The following KDM4B variants were observed in gnomAD, a reference collection of about 807,000 sequenced individuals.
KDM4B encodes lysine demethylase 4B, also known as lysine-specific demethylase 4B.
KDM4B carries 32 observed loss-of-function variants against 125.2 expected under a neutral mutation model. The observed-to-expected ratio is 0.26, with a 90% confidence interval of 0.19 to 0.34. The LOEUF (loss-of-function observed/expected upper bound fraction) is 0.34, where lower values mean the gene tolerates loss of function less well. Ranked by LOEUF, KDM4B falls within the 10% of genes least tolerant of loss-of-function variation. KDM4B has a pLI of 1.00. For synonymous variants in KDM4B, 721 were observed against 677.9 expected (o/e 1.06, Z -0.99); for missense variants, 1,190 against 1,577.7 (o/e 0.75, Z 4.16).
intron 1 of KDM4B, among the ~76,000 whole-genome samples, chr19:4,976,470 C>T (rs1276575081): frequency 3.3e-5 from 5 of 152,180 alleles, no homozygotes; most frequent in Non-Finnish European, 7.3e-5. Context: ...GCTCACCAAG[C>T]GTCAGAAGCA....
chr19:5,020,041 G>A (rs1187503950), intron 2 of KDM4B, among the ~76,000 whole-genome samples: 1 of 149,872 alleles, frequency 6.7e-6, no homozygotes, highest in Admixed American at 6.6e-5. Flanking sequence ...GGACGTTGGT[G>A]TGCAGGTGTC....
intron 21 of KDM4B, among the ~76,000 whole-genome samples, chr19:5,146,759 C>CCG (rs1555722880): frequency 4.5e-5 from 3 of 66,820 alleles, no homozygotes; most frequent in African/African-American, 1.9e-4. Context: ...AGACCCCCCC[C>CCG]CCCCCCACAA....
At chr19:5,057,469 G>T (rs1200473441) in intron 6 of KDM4B, among the ~76,000 whole-genome samples, 2 of 152,222 alleles carry the variant, frequency 1.3e-5, no homozygotes, top group African/African-American at 4.8e-5. Context: ...TTTCCAGCAT[G>T]AGGCTTCTGC....
intron 5 of KDM4B, among the ~76,000 whole-genome samples, chr19:5,044,376 C>T (rs1346455655): frequency 7.8e-6 from 1 of 128,284 alleles, no homozygotes; most frequent in Non-Finnish European, 1.7e-5. Context: ...CCACCTTATC[C>T]CGCGTGGTGT....
At chr19:5,120,279 T>C (rs1166074847) in intron 11 of KDM4B, among the ~76,000 whole-genome samples, 1 of 152,194 alleles carries the variant, frequency 6.6e-6, no homozygotes, top group Non-Finnish European at 1.5e-5. Flanking sequence ...TGTTTGCACC[T>C]CTGCACTCCA....
At chr19:5,038,894 T>G (rs1259540605) in intron 3 of KDM4B, among the ~76,000 whole-genome samples, 1 of 152,244 alleles carries the variant, frequency 6.6e-6, no homozygotes, top group Non-Finnish European at 1.5e-5. Flanking sequence ...GTTGGCTCAC[T>G]CCAGGCGGGG....
intron 11 of KDM4B, among the ~76,000 whole-genome samples, chr19:5,125,196 A>C (rs1234314187): frequency 6.6e-6 from 1 of 152,264 alleles, no homozygotes; most frequent in Non-Finnish European, 1.5e-5. Flanking sequence ...CTTTCTTTTC[A>C]TTAATGTGAC....
At position 5,144,786 on chromosome 19, in the gene KDM4B, A is replaced by G; in HGVS notation, c.2905A>G (p.Arg969Gly). ...CTCCCACCTCTTCTCCCTGCAGAGT[A>G]GGGACTGTGTCCAGCTGGGACCCCC... ...DNLYPESITSRDCVQLGPPSE... is the reference protein window; with the variant it reads ...DNLYPESITSGDCVQLGPPSE... The change falls in exon 21 of 23, where the codon AGG (arginine) becomes GGG (glycine). Residue 969 changes from arginine (R) to glycine (G), a missense_variant. This residue lies in a region of KDM4B where 298 missense variants were observed against 439.7 expected (regional missense o/e 0.68). Transcript: ENST00000159111. The G allele has an allele frequency of 6.2e-7, 1 of 1,613,458 alleles. No individual in the cohort carries two copies. The highest frequency in any genetic ancestry group is 8.5e-7 in the Non-Finnish European group (1 of 1,179,928).
intron 2 of KDM4B, among the ~76,000 whole-genome samples, chr19:5,026,979 G>A (rs1424525394): frequency 6.6e-6 from 1 of 152,192 alleles, no homozygotes; most frequent in African/African-American, 2.4e-5. Flanking sequence ...GAACTATGTT[G>A]GCCTGGCTCC....
At chr19:4,995,259 G>A (rs2035162073) in intron 1 of KDM4B, among the ~76,000 whole-genome samples, 1 of 151,956 alleles carries the variant, frequency 6.6e-6, no homozygotes, top group South Asian at 2.1e-4. Context: ...TGAGTTTGTA[G>A]CCCTGTTCCT....
chr19:5,077,672 A>G, intron 8 of KDM4B: 1 of 560,098 alleles, frequency 1.8e-6, no homozygotes, highest in Middle Eastern at 4.7e-4. Flanking sequence ...CAGAGCTTGA[A>G]TCTGGCGGGG....
rs2146092279 is a variant in KDM4B at position 5,141,285 on chromosome 19, G to A, written c.2551-2682G>A. On this transcript the variant is annotated intron_variant, in intron 18 of 22. Transcript: ENST00000159111. This position sits in a 1 kb window ranked among gnomAD's most constrained non-coding sequence, Gnocchi z 6.4. Reference sequence around the variant, plus strand: ...CTGGCCGGGCACGGCCAGGCGATTAGGAAGCCGGCAGCCCGCGGGTGATGC... The same window carrying A: ...CTGGCCGGGCACGGCCAGGCGATTAAGAAGCCGGCAGCCCGCGGGTGATGC... 1 of 152,098 alleles carries A rather than the reference G, an allele frequency of 6.6e-6. No homozygotes were observed. The highest frequency in any genetic ancestry group is 1.5e-5 in the Non-Finnish European group (1 of 67,938). 9.4% of individuals were successfully genotyped at this position (152,098 alleles called of 1,614,324 possible). A position where few individuals can be genotyped will look rare whatever the true frequency, so the allele number is the denominator to read the frequency against.
intron 6 of KDM4B, among the ~76,000 whole-genome samples, chr19:5,064,749 G>A (rs2037714518): frequency 6.6e-6 from 1 of 152,212 alleles, no homozygotes; most frequent in Admixed American, 6.5e-5. Flanking sequence ...CATTCCGCTT[G>A]CAGTAGGAGG....
intron 1 of KDM4B, among the ~76,000 whole-genome samples, chr19:4,979,499 A>G (rs1256510906): frequency 1.3e-5 from 2 of 152,196 alleles, no homozygotes; most frequent in African/African-American, 4.8e-5. Flanking sequence ...CCCACCTGGC[A>G]TGCTGGAGGC....
Position 4,986,937 on chromosome 19 carries a change from C to T in KDM4B, c.-109+17707C>T, listed in dbSNP as rs540213039. 4.6e-5 allele frequency among the ~76,000 whole-genome samples: 7 copies of T among 152,178 alleles called. No individual in the cohort carries two copies. The South Asian group carries it at 1.5e-3, about 32-fold the overall frequency. ...AGGCACTGCTGTCAGAGGTTTATGC[C>T]TTTTTTTATTTTTATTTTATTTTAT... is the stretch of plus-strand genomic sequence containing the variant. On this transcript the variant is annotated intron_variant, in intron 1 of 22. Coordinates refer to ENST00000159111, the MANE Select transcript of KDM4B (RefSeq NM_015015.3).
At chr19:5,087,511 C>T (rs1430220941) in intron 9 of KDM4B, among the ~76,000 whole-genome samples, 1 of 152,240 alleles carries the variant, frequency 6.6e-6, no homozygotes, top group Non-Finnish European at 1.5e-5. Context: ...GCAGGATTGG[C>T]CCCAGTGAGA....
Position 5,091,140 on chromosome 19 carries a change from A to T in KDM4B, c.918+8636A>T, listed in dbSNP as rs2038693870. On this transcript the variant is annotated intron_variant, in intron 9 of 22. Coordinates refer to ENST00000159111, the MANE Select transcript of KDM4B (RefSeq NM_015015.3). ...ACAAGCCTGCACGCCATGTTAGATTAGCTCAGCACGCGGCCGGGCTGGCCC... is the reference window on the plus strand; with the variant it reads ...ACAAGCCTGCACGCCATGTTAGATTTGCTCAGCACGCGGCCGGGCTGGCCC... Among the ~76,000 whole-genome samples the T allele has an allele frequency of 2.0e-5, 3 of 152,244 alleles. No individual in the cohort carries two copies. The South Asian group carries it at 6.2e-4, about 31-fold the overall frequency.
chr19:5,003,934 T>A (rs2035473282), intron 1 of KDM4B, among the ~76,000 whole-genome samples: 1 of 152,120 alleles, frequency 6.6e-6, no homozygotes, highest in Admixed American at 6.5e-5. Flanking sequence ...GCCCCGTGGG[T>A]TGTTGGCCGC....
chr19:5,053,602 GC>G, intron 6 of KDM4B, among the ~76,000 whole-genome samples: 1 of 152,210 alleles, frequency 6.6e-6, no homozygotes, highest in Non-Finnish European at 1.5e-5. Flanking sequence ...AGTGGCCCCA[GC>G]CCATGGTCCC....
Sources: gnomAD v4.1 joint callset for allele counts (sites outside exome capture counted in the v4.1 genomes callset) on GRCh38, gnomAD v4.1.1 for gene constraint, gnomAD v4.1.1 regional missense constraint, Gnocchi (gnomAD v3.1) non-coding constraint, MANE v1.5 for transcripts, NCBI Gene and HGNC (gene_info 2026-07-23, HGNC 2026-07-21) for gene names.